The following NALF1 variants were observed in gnomAD, a reference collection of about 807,000 sequenced individuals.
NALF1 encodes the protein family with sequence similarity 155 member A.
A neutral mutation model predicts 48.4 loss-of-function variants in NALF1; 3 were observed. That is an observed-to-expected ratio of 0.06 (90% CI 0.03 to 0.16). The LOEUF (loss-of-function observed/expected upper bound fraction) is 0.16, where lower values mean the gene tolerates loss of function less well. NALF1 is among the 10% of genes least tolerant of loss of function. The pLI, the probability that NALF1 is intolerant of heterozygous loss-of-function variation, is 1.00. For missense variants in NALF1, 526 were observed against 571.5 expected (o/e 0.92, Z 0.81); for synonymous variants, 262 against 245.7 (o/e 1.07, Z -0.62).
intron 1 of NALF1, among the ~76,000 whole-genome samples, chr13:107,493,317 T>C (rs1040332674): frequency 6.6e-6 from 1 of 152,148 alleles, no homozygotes; most frequent in African/African-American, 2.4e-5. Flanking sequence ...TTAAATTTAC[T>C]TAGTGCCTTT....
intron 1 of NALF1, among the ~76,000 whole-genome samples, chr13:107,441,404 G>A (rs1471889828): frequency 1.3e-5 from 2 of 152,150 alleles, no homozygotes; most frequent in African/African-American, 4.8e-5. Flanking sequence ...ATGAGCAAAT[G>A]GCCTATTCTA....
At chr13:107,321,180 T>C (rs2138913912) in intron 1 of NALF1, among the ~76,000 whole-genome samples, 1 of 152,192 alleles carries the variant, frequency 6.6e-6, no homozygotes, top group South Asian at 2.1e-4. Flanking sequence ...AAATAGTCAT[T>C]TTACTTTTTC....
intron 1 of NALF1, among the ~76,000 whole-genome samples, chr13:107,427,687 C>A (rs75842520): frequency 0.013 from 1,966 of 152,276 alleles, 21 homozygotes; most frequent in South Asian, 0.029. Flanking sequence ...GCTTTCTCTT[C>A]AAGTTTGTTC....
chr13:107,778,244 A>T (rs1373680854), intron 1 of NALF1, among the ~76,000 whole-genome samples: 1 of 152,160 alleles, frequency 6.6e-6, no homozygotes, highest in East Asian at 1.9e-4. Context: ...CAAAGGAAAC[A>T]TCTGTCTTCC....
chr13:107,584,734 G>A (rs1037557008), intron 1 of NALF1, among the ~76,000 whole-genome samples: 2 of 152,096 alleles, frequency 1.3e-5, no homozygotes, highest in Admixed American at 6.6e-5. Context: ...TATCATTTCC[G>A]TAGCCACTCA....
chr13:107,566,786 G>A (rs1162304282), intron 1 of NALF1, among the ~76,000 whole-genome samples: 2 of 152,142 alleles, frequency 1.3e-5, no homozygotes, highest in Non-Finnish European at 2.9e-5. Context: ...AAAGAGAGCT[G>A]TGTGAACAGA....
intron 1 of NALF1, among the ~76,000 whole-genome samples, chr13:107,830,517 G>A (rs1879686069): frequency 6.6e-6 from 1 of 152,100 alleles, no homozygotes; most frequent in Middle Eastern, 3.2e-3. Flanking sequence ...TTTGGATTTG[G>A]GTTTCCCTGA....
chr13:107,855,495 C>T (rs543336037), intron 1 of NALF1, among the ~76,000 whole-genome samples: 2 of 152,338 alleles, frequency 1.3e-5, no homozygotes, highest in East Asian at 1.9e-4. Context: ...GCTGCCACAA[C>T]AACACACATT....
rs140044344 is a variant in NALF1 at position 107,836,399 on chromosome 13, A to G, written c.915+29283T>C. ...TTTGTGTTTGATACAAAAGGCACTT[A>G]GGAGAGAATAGTAAGCCTTGAAATT... is the stretch of plus-strand genomic sequence containing the variant. On this transcript the variant is annotated intron_variant, in intron 1 of 2. Coordinates refer to ENST00000375915, the MANE Select transcript of NALF1 (RefSeq NM_001080396.3). Among the ~76,000 whole-genome samples, 347 of 152,324 alleles carry G rather than the reference A, an allele frequency of 2.3e-3. 2 individuals carry two copies. The highest frequency in any genetic ancestry group is 7.9e-3 in the African/African-American group (328 of 41,562).
intron 1 of NALF1, among the ~76,000 whole-genome samples, chr13:107,587,976 C>A (rs543045303): frequency 6.6e-6 from 1 of 152,060 alleles, no homozygotes; most frequent in East Asian, 1.9e-4. Flanking sequence ...GAAGAATGAA[C>A]GACTGGCCAG....
chr13:107,233,241 A>G (rs1880264826), intron 1 of NALF1, among the ~76,000 whole-genome samples: 2 of 152,242 alleles, frequency 1.3e-5, no homozygotes, highest in African/African-American at 2.4e-5. Flanking sequence ...TATCAGAAAA[A>G]TTCCATATAC....
chr13:107,482,540 G>A (rs991383109), intron 1 of NALF1, among the ~76,000 whole-genome samples: 1 of 152,136 alleles, frequency 6.6e-6, no homozygotes, highest in African/African-American at 2.4e-5. Flanking sequence ...GGGAGAAACT[G>A]CAATAACTGC....
chr13:107,238,439 A>G (rs531549538), intron 1 of NALF1, among the ~76,000 whole-genome samples: 2 of 152,298 alleles, frequency 1.3e-5, no homozygotes, highest in Admixed American at 1.3e-4. Flanking sequence ...AGGTAAATGC[A>G]GCTCTGCCGG....
intron 1 of NALF1, among the ~76,000 whole-genome samples, chr13:107,624,339 A>G (rs1329521107): frequency 3.3e-5 from 5 of 152,128 alleles, no homozygotes; most frequent in African/African-American, 4.8e-5. Flanking sequence ...ATAAGAAACA[A>G]ATGAAAGAGC....
At chr13:107,493,246 G>C (rs1446188857) in intron 1 of NALF1, among the ~76,000 whole-genome samples, 1 of 152,120 alleles carries the variant, frequency 6.6e-6, no homozygotes, top group African/African-American at 2.4e-5. Flanking sequence ...AAATGGAAAA[G>C]GAGTTGTCTG....
Position 107,286,670 on chromosome 13 carries a change from T to C in NALF1, c.916-75915A>G, listed in dbSNP as rs1594104702. 2.0e-5 allele frequency among the ~76,000 whole-genome samples: 3 copies of C among 150,882 alleles called. No individual in the cohort carries two copies. In the East Asian group the frequency reaches 5.9e-4, roughly 29 times the overall value. ...GTGCCCATGAATGGATATATACAAA[T>C]TGTGATATATACATACAATGGGATA... On this transcript the variant is annotated intron_variant, in intron 1 of 2. Coordinates refer to ENST00000375915, the MANE Select transcript of NALF1 (RefSeq NM_001080396.3).
chr13:107,310,327 T>C (rs1882019929), intron 1 of NALF1, among the ~76,000 whole-genome samples: 1 of 151,632 alleles, frequency 6.6e-6, no homozygotes, highest in South Asian at 2.1e-4. Context: ...TGAGAATCAC[T>C]TGAACTCGGC....
intron 2 of NALF1, among the ~76,000 whole-genome samples, chr13:107,186,771 A>G (rs1208787753): frequency 1.3e-5 from 2 of 152,216 alleles, no homozygotes; most frequent in Non-Finnish European, 2.9e-5. Context: ...CAGACATAGT[A>G]GCTTTAAATG....
At chr13:107,601,854 C>T (rs1878939228) in intron 1 of NALF1, among the ~76,000 whole-genome samples, 1 of 152,004 alleles carries the variant, frequency 6.6e-6, no homozygotes, top group Admixed American at 6.6e-5. Context: ...GTTACTTAAA[C>T]CCAATATCAG....
Sources: allele counts gnomAD v4.1 joint callset (sites outside exome capture counted in the v4.1 genomes callset), GRCh38; gene constraint gnomAD v4.1.1; transcripts MANE v1.5; gene names NCBI Gene and HGNC (gene_info 2026-07-23, HGNC 2026-07-21).